The following CNOT6L variants were observed in gnomAD, a reference collection of about 807,000 sequenced individuals.
CNOT6L encodes the protein CCR4-NOT transcription complex subunit 6 like.
In CNOT6L, 7 loss-of-function variants were observed where a neutral mutation model predicts 64.0. That is an observed-to-expected ratio of 0.11 (90% CI 0.06 to 0.21). The LOEUF (loss-of-function observed/expected upper bound fraction) is 0.21, where lower values mean the gene tolerates loss of function less well. Ranked by LOEUF, CNOT6L falls within the 10% of genes least tolerant of loss-of-function variation. The pLI, the probability that CNOT6L is intolerant of heterozygous loss-of-function variation, is 1.00. For synonymous variants in CNOT6L, 193 were observed against 243.4 expected (o/e 0.79, Z 1.93); for missense variants, 245 against 669.0 (o/e 0.37, Z 6.99).
At chr4:77,776,156 T>C (rs1728117326) in intron 2 of CNOT6L, 115 bp downstream of exon 2, 1 of 986,390 alleles carries the variant, frequency 1.0e-6, no homozygotes, top group Non-Finnish European at 1.5e-6. Flanking sequence ...CTTACCATCT[T>C]GTAGTTTTTC....
intron 4 of CNOT6L, among the ~76,000 whole-genome samples, chr4:77,770,681 G>A (rs1727427841): frequency 6.6e-6 from 1 of 152,294 alleles, no homozygotes; most frequent in East Asian, 1.9e-4. Flanking sequence ...GTTACAGTTC[G>A]TGAAGCAGAG....
At chr4:77,788,359 T>C (rs962411038) in intron 1 of CNOT6L, among the ~76,000 whole-genome samples, 1 of 152,152 alleles carries the variant, frequency 6.6e-6, no homozygotes, top group Non-Finnish European at 1.5e-5. Flanking sequence ...ATGACATGCA[T>C]GATAAGGTTA....
chr4:77,818,781 C>T (rs1220595468), intron 1 of CNOT6L, among the ~76,000 whole-genome samples: 1 of 151,900 alleles, frequency 6.6e-6, no homozygotes, highest in Non-Finnish European at 1.5e-5. Flanking sequence ...TCCCGGGAGG[C>T]GTCCGGGGAG....
At position 77,792,764 on chromosome 4, in the gene CNOT6L, G is replaced by C. The variant is rs538232542; in HGVS notation, c.6-16372C>G. Among the ~76,000 whole-genome samples the C allele has an allele frequency of 7.8e-4, 114 of 147,042 alleles. No homozygotes were observed. In the Middle Eastern group the frequency reaches 0.011, roughly 14 times the overall value. ...AAAAAAGACAAGTCTAGAAAGTATT[G>C]ATTAGTAACTGTCATGGCTCTCTCC... On this transcript the variant is annotated intron_variant, in intron 1 of 11. Coordinates refer to ENST00000504123, the MANE Select transcript of CNOT6L (RefSeq NM_144571.3).
intron 1 of CNOT6L, among the ~76,000 whole-genome samples, chr4:77,817,758 C>G (rs1733737628): frequency 6.6e-6 from 1 of 152,224 alleles, no homozygotes; most frequent in Non-Finnish European, 1.5e-5. Flanking sequence ...TCCCCGTGAA[C>G]AGCATACACT....
At chr4:77,790,832 T>C (rs1044156679) in intron 1 of CNOT6L, among the ~76,000 whole-genome samples, 1 of 143,888 alleles carries the variant, frequency 6.9e-6, no homozygotes, top group Non-Finnish European at 1.5e-5. Flanking sequence ...TTTTTTTTTT[T>C]CATTTTTAGT....
chr4:77,755,538 T>C (rs1413030832), intron 5 of CNOT6L, among the ~76,000 whole-genome samples: 2 of 152,164 alleles, frequency 1.3e-5, no homozygotes, highest in South Asian at 2.1e-4. Context: ...TAAAGTAAGT[T>C]AGAAACAGCA....
intron 4 of CNOT6L, among the ~76,000 whole-genome samples, chr4:77,769,864 C>A (rs1028772035): frequency 5.3e-5 from 8 of 152,116 alleles, no homozygotes; most frequent in Non-Finnish European, 8.8e-5. Flanking sequence ...ATTTTTATGA[C>A]CTGGGACATC....
chr4:77,748,283 GA>G (rs199875618), intron 6 of CNOT6L, 32 bp downstream of exon 6: 76 of 1,391,098 alleles, frequency 5.5e-5, no homozygotes, highest in South Asian at 2.8e-4. Context: ...AAGAATTTCT[GA>G]AAAAAAAGGA....
intron 4 of CNOT6L, among the ~76,000 whole-genome samples, chr4:77,758,481 A>T (rs1725820885): frequency 6.6e-6 from 1 of 152,204 alleles, no homozygotes; most frequent in Non-Finnish European, 1.5e-5. Context: ...AGAAAGAAGA[A>T]CAAGACTTAA....
At chr4:77,804,766 T>G (rs981619279) in intron 1 of CNOT6L, among the ~76,000 whole-genome samples, 1 of 151,972 alleles carries the variant, frequency 6.6e-6, no homozygotes, top group East Asian at 1.9e-4. Flanking sequence ...GTAATACATA[T>G]CTCAACTTTC....
At chr4:77,730,441 G>A (rs1250627324) in intron 9 of CNOT6L, among the ~76,000 whole-genome samples, 3 of 151,852 alleles carry the variant, frequency 2.0e-5, no homozygotes, top group East Asian at 1.9e-4. Context: ...ATTTCAGAAC[G>A]TAAAAGTCTC....
rs1156532514 is a variant in CNOT6L, at chr4:77,730,184, G to C, written c.1025-1103C>G. On this transcript the variant is annotated intron_variant, in intron 9 of 11. Coordinates refer to ENST00000504123, the MANE Select transcript of CNOT6L (RefSeq NM_144571.3). ...TAAAGTTTCTTTCCAGTCTCACCAA[G>C]CTATAATTATCTTCAATGTTGAGAA... Among the ~76,000 whole-genome samples the C allele has an allele frequency of 3.3e-5, 5 of 151,994 alleles. No homozygotes were observed. In the East Asian group the frequency reaches 7.7e-4, roughly 23 times the overall value.
At chr4:77,754,335 C>T (rs939088389) in intron 5 of CNOT6L, among the ~76,000 whole-genome samples, 7 of 151,954 alleles carry the variant, frequency 4.6e-5, no homozygotes, top group Non-Finnish European at 1.0e-4. Context: ...TATTTTTAAG[C>T]GAATTAAGAA....
intron 8 of CNOT6L, among the ~76,000 whole-genome samples, chr4:77,735,057 G>A (rs1722798575): frequency 6.6e-6 from 1 of 152,142 alleles, no homozygotes; most frequent in Non-Finnish European, 1.5e-5. Context: ...GCAGAAAGCT[G>A]CCTACTCATG....
At chr4:77,807,968 G>C (rs17409006) in intron 1 of CNOT6L, among the ~76,000 whole-genome samples, 7,348 of 152,174 alleles carry the variant, frequency 0.048, 227 homozygotes, top group Middle Eastern at 0.16. Context: ...TCCTTGCATA[G>C]GGGTCAGTCA....
intron 4 of CNOT6L, among the ~76,000 whole-genome samples, chr4:77,768,470 A>AATAAATAAATAT (rs1727115236): frequency 1.5e-5 from 2 of 134,406 alleles, no homozygotes; most frequent in Non-Finnish European, 3.1e-5. Flanking sequence ...GTCTAAAATA[A>AATAAATAAATAT]ATAAATATAT....
At chr4:77,784,144 C>T (rs1729187832) in intron 1 of CNOT6L, among the ~76,000 whole-genome samples, 1 of 151,956 alleles carries the variant, frequency 6.6e-6, no homozygotes, top group Non-Finnish European at 1.5e-5. Flanking sequence ...TACAGTACTA[C>T]CAGGAGGAAA....
rs773268269 is a variant in CNOT6L, at chr4:77,819,329, G to T, written c.-21C>A. 6.2e-6 allele frequency: 10 copies of T among 1,613,280 alleles called. No individual in the cohort carries two copies. The highest frequency in any genetic ancestry group is 8.5e-6 in the Non-Finnish European group (10 of 1,179,666). On this transcript the variant is annotated 5_prime_UTR_variant, in exon 1 of 12. Coordinates refer to ENST00000504123, the MANE Select transcript of CNOT6L (RefSeq NM_144571.3). ...CTCATTCTCTTCCTCTGGCCCAGAA[G>T]CAACAGCAGCCATTTCCCCGCGGCA...
Sources: allele counts gnomAD v4.1 joint callset (sites outside exome capture counted in the v4.1 genomes callset), GRCh38; gene constraint gnomAD v4.1.1; transcripts MANE v1.5; gene names NCBI Gene and HGNC (gene_info 2026-07-23, HGNC 2026-07-21).